Variants in EFNA5 observed in about 807,000 individuals in gnomAD.
EFNA5 encodes ephrin A5.
In EFNA5, 5 loss-of-function variants were observed where a neutral mutation model predicts 22.9. That is an observed-to-expected ratio of 0.22 (90% CI 0.11 to 0.46). The LOEUF is 0.46. EFNA5 is among the 20% of genes least tolerant of loss of function. The pLI is 0.99. For synonymous variants in EFNA5, 113 were observed against 112.2 expected (o/e 1.01, Z -0.04); for missense variants, 237 against 293.3 (o/e 0.81, Z 1.40).
chr5:107,570,775 C>T (rs903210053), intron 1 of EFNA5, among the ~76,000 whole-genome samples: 2 of 152,114 alleles, frequency 1.3e-5, no homozygotes, highest in Non-Finnish European at 2.9e-5. Context: ...CTTAAACAGA[C>T]CAATTGATGT....
rs188588422 is a variant in EFNA5 at position 107,640,063 on chromosome 5, A to G, written c.125+30426T>C. ...GGAGGTTTGGGATATGCCTCATATA[A>G]CTAGATTTCTCCATCTTGGTCTGTC... On this transcript the variant is annotated intron_variant, in intron 1 of 4. Coordinates refer to ENST00000333274, the MANE Select transcript of EFNA5 (RefSeq NM_001962.3). 3.0e-3 allele frequency among the ~76,000 whole-genome samples: 462 copies of G among 152,328 alleles called. 4 individuals are homozygous for G. Among genetic ancestry groups the G allele is most frequent in the African/African-American group, 9.8e-3 (406 of 41,574 alleles).
chr5:107,660,275 TATATATATATATATATATATATA>T (rs1561462872), intron 1 of EFNA5, among the ~76,000 whole-genome samples: 1 of 30,580 alleles, frequency 3.3e-5, no homozygotes, highest in Non-Finnish European at 6.1e-5. Context: ...TATATATATA[TATATATATATATATATATATATA>T]TATATATATA....
intron 1 of EFNA5, among the ~76,000 whole-genome samples, chr5:107,648,469 G>A (rs1030373311): frequency 6.6e-6 from 1 of 152,060 alleles, no homozygotes; most frequent in African/African-American, 2.4e-5. Context: ...AAACCAAATA[G>A]TTTCAACTTG....
chr5:107,587,965 C>T (rs35697211), intron 1 of EFNA5, among the ~76,000 whole-genome samples: 6,456 of 152,192 alleles, frequency 0.042, 431 homozygotes, highest in African/African-American at 0.14. Context: ...CTCTATGGTG[C>T]CAGGCACCAG....
At chr5:107,557,978 C>A (rs1378784897) in intron 1 of EFNA5, among the ~76,000 whole-genome samples, 1 of 152,082 alleles carries the variant, frequency 6.6e-6, no homozygotes, top group African/African-American at 2.4e-5. Context: ...ATAGTATCTA[C>A]CCCCACGGTA....
intron 1 of EFNA5, among the ~76,000 whole-genome samples, chr5:107,438,811 G>C (rs77530033): frequency 0.016 from 2,454 of 152,204 alleles, 54 homozygotes; most frequent in African/African-American, 0.057. Flanking sequence ...TGTACTAACT[G>C]CTCCAGGCCA....
intron 1 of EFNA5, among the ~76,000 whole-genome samples, chr5:107,527,451 T>G (rs1278919039): frequency 6.6e-6 from 1 of 151,934 alleles, no homozygotes; most frequent in African/African-American, 2.4e-5. Context: ...CATGCCCAGC[T>G]AATTTTTGTA....
chr5:107,420,124 A>G (rs983330150), intron 2 of EFNA5, among the ~76,000 whole-genome samples: 7 of 152,192 alleles, frequency 4.6e-5, no homozygotes, highest in Non-Finnish European at 8.8e-5. Flanking sequence ...ATCAGACATC[A>G]AGAGGAATGA....
At chr5:107,623,074 GTATTC>G (rs1750073104) in intron 1 of EFNA5, among the ~76,000 whole-genome samples, 1 of 112,018 alleles carries the variant, frequency 8.9e-6, no homozygotes, top group Admixed American at 1.0e-4. Flanking sequence ...ATACTCACAA[GTATTC>G]AAGCCCAGAA....
chr5:107,581,479 C>G (rs1749072291), intron 1 of EFNA5, among the ~76,000 whole-genome samples: 1 of 152,164 alleles, frequency 6.6e-6, no homozygotes. Flanking sequence ...CATCGAATAT[C>G]TGATTAAGCT....
chr5:107,512,077 T>C (rs955276720), intron 1 of EFNA5, among the ~76,000 whole-genome samples: 4 of 152,228 alleles, frequency 2.6e-5, no homozygotes, highest in Admixed American at 2.6e-4. Flanking sequence ...TTGTTTTACT[T>C]CCTTTCGAAA....
At chr5:107,595,630 A>T (rs895731634) in intron 1 of EFNA5, among the ~76,000 whole-genome samples, 1 of 152,230 alleles carries the variant, frequency 6.6e-6, no homozygotes, top group African/African-American at 2.4e-5. Flanking sequence ...TATTTAGAAA[A>T]GTGTTCACAT....
intron 1 of EFNA5, among the ~76,000 whole-genome samples, chr5:107,527,781 T>C (rs1289923054): frequency 6.6e-6 from 1 of 152,066 alleles, no homozygotes; most frequent in African/African-American, 2.4e-5. Context: ...AATAACCTCA[T>C]ATAACAGATA....
rs1455250755 is a variant in EFNA5, at chr5:107,409,079, G to C, written c.418+18138C>G. Among the ~76,000 whole-genome samples, 3 of 152,264 alleles carry C rather than the reference G, an allele frequency of 2.0e-5. No homozygotes were observed. In the East Asian group the frequency reaches 5.8e-4, roughly 29 times the overall value. ...TCTTCCAAGGGGTCAGGTTCAATTA[G>C]AGCCCTTGGCAATCTGGATACACTT... On this transcript the variant is annotated intron_variant, in intron 2 of 4. Coordinates refer to ENST00000333274, the MANE Select transcript of EFNA5 (RefSeq NM_001962.3).
At chr5:107,610,150 G>T (rs894507875) in intron 1 of EFNA5, among the ~76,000 whole-genome samples, 1 of 152,236 alleles carries the variant, frequency 6.6e-6, no homozygotes, top group Non-Finnish European at 1.5e-5. Flanking sequence ...AAGCAGTATA[G>T]TAGAGCTGCC....
chr5:107,537,467 C>T (rs112977287), intron 1 of EFNA5, among the ~76,000 whole-genome samples: 6 of 151,566 alleles, frequency 4.0e-5, no homozygotes, highest in Admixed American at 6.6e-5. Flanking sequence ...GGTGTGGTGG[C>T]GGCTGCCTGT....
intron 1 of EFNA5, among the ~76,000 whole-genome samples, chr5:107,663,292 A>C (rs759266329): frequency 6.6e-6 from 1 of 152,120 alleles, no homozygotes; most frequent in African/African-American, 2.4e-5. Context: ...ATAAGCACTT[A>C]ATCATATTTT....
At chr5:107,446,382 C>T (rs1027121989) in intron 1 of EFNA5, among the ~76,000 whole-genome samples, 8 of 152,062 alleles carry the variant, frequency 5.3e-5, no homozygotes, top group African/African-American at 1.9e-4. Context: ...ATAAAAATTT[C>T]AACAGTCATT....
chr5:107,622,686 T>C (rs1042861328), intron 1 of EFNA5, among the ~76,000 whole-genome samples: 15 of 152,006 alleles, frequency 9.9e-5, no homozygotes, highest in Non-Finnish European at 1.8e-4. Flanking sequence ...CCTTAGAAAA[T>C]TCAGGTGGAT....
Sources: allele counts gnomAD v4.1 joint callset (sites outside exome capture counted in the v4.1 genomes callset), GRCh38; gene constraint gnomAD v4.1.1; transcripts MANE v1.5; gene names NCBI Gene and HGNC (gene_info 2026-07-23, HGNC 2026-07-21).